AMPD3: variants seen among roughly 807,000 people sequenced by gnomAD.
AMPD3 encodes the protein AMP deaminase 3.
In AMPD3, 57 loss-of-function variants were observed where a neutral mutation model predicts 82.3. The observed-to-expected ratio is 0.69, with a 90% confidence interval of 0.56 to 0.86. The LOEUF (loss-of-function observed/expected upper bound fraction) is 0.86, where lower values mean the gene tolerates loss of function less well. Ranked by LOEUF, AMPD3 falls within the 40% of genes least tolerant of loss-of-function variation. The pLI, the probability that AMPD3 is intolerant of heterozygous loss-of-function variation, is 0.00. For synonymous variants in AMPD3, 381 were observed against 394.7 expected (o/e 0.97, Z 0.41); for missense variants, 870 against 1,003.8 (o/e 0.87, Z 1.80).
intron 10 of AMPD3, chr11:10,499,789 C>T (rs1849524010): frequency 1.0e-6 from 1 of 985,448 alleles, no homozygotes; most frequent in Non-Finnish European, 1.2e-6. Flanking sequence ...CTGCTTTGCC[C>T]TTCACCTGGC....
At position 10,456,609 on chromosome 11, in the gene AMPD3, A is replaced by G; in HGVS notation, c.-6+1161A>G. The G allele has an allele frequency of 1.0e-6, 1 of 985,456 alleles. No homozygotes were observed. The highest frequency in any genetic ancestry group is 1.2e-6 in the Non-Finnish European group (1 of 829,912). 61.0% of individuals were successfully genotyped at this position (985,456 alleles called of 1,614,324 possible). ...AGTTCATCAGAGCGTGTTGCATGTA[A>G]CAGTGAGATAAGCTGTATCATTGGC... On this transcript the variant is annotated intron_variant, in intron 1 of 14. Coordinates refer to ENST00000396553, the MANE Select transcript of AMPD3 (RefSeq NM_001025389.2). This position sits in a 1 kb window ranked among gnomAD's most constrained non-coding sequence, Gnocchi z 4.3.
chr11:10,457,775 G>C (rs1235243294), intron 1 of AMPD3, among the ~76,000 whole-genome samples: 2 of 152,178 alleles, frequency 1.3e-5, no homozygotes, highest in East Asian at 3.9e-4. Flanking sequence ...TGTGCCTGTG[G>C]TCCCAGCTAC....
intron 3 of AMPD3, chr11:10,479,785 A>C (rs1848848862): frequency 1.7e-5 from 8 of 463,036 alleles, no homozygotes; most frequent in Non-Finnish European, 2.3e-5. Flanking sequence ...ATGCCATATC[A>C]ATATATAAAG....
At chr11:10,458,892 G>A (rs189854519) in intron 1 of AMPD3, among the ~76,000 whole-genome samples, 3 of 152,278 alleles carry the variant, frequency 2.0e-5, no homozygotes, top group Admixed American at 1.3e-4. Flanking sequence ...CTTCTTCTGA[G>A]ATGCGATGTG....
intron 3 of AMPD3, chr11:10,479,806 T>C (rs1848849681): frequency 1.3e-6 from 1 of 756,344 alleles, no homozygotes; most frequent in South Asian, 6.0e-5. Flanking sequence ...AACTTCTTTG[T>C]CCTTTTAAAA....
chr11:10,484,405 G>A (rs1370043953), intron 4 of AMPD3: 1 of 985,152 alleles, frequency 1.0e-6, no homozygotes, highest in Non-Finnish European at 1.2e-6. Flanking sequence ...GGTGCAATCT[G>A]TTTTTTTCCT....
intron 9 of AMPD3, among the ~76,000 whole-genome samples, chr11:10,495,938 A>G (rs1849386356): frequency 2.3e-5 from 3 of 132,024 alleles, no homozygotes; most frequent in African/African-American, 8.8e-5. Context: ...TTTTTTTGAG[A>G]CAGAGTCTCA....
At chr11:10,495,916 CTTT>C (rs35114038) in intron 9 of AMPD3, among the ~76,000 whole-genome samples, 183 bp downstream of exon 9, 6 of 133,166 alleles carry the variant, frequency 4.5e-5, no homozygotes, top group Admixed American at 7.5e-5. Context: ...CACTAGAGCT[CTTT>C]TTTTTTTTTT....
chr11:10,471,553 A>G (rs1848590254), intron 2 of AMPD3, among the ~76,000 whole-genome samples: 1 of 152,276 alleles, frequency 6.6e-6, no homozygotes, highest in Non-Finnish European at 1.5e-5. Flanking sequence ...CAATCTATCC[A>G]TCTGACAAAG....
rs757545666 is a variant in AMPD3, at chr11:10,487,243, A to G, written c.818A>G (p.Tyr273Cys). The G allele has an allele frequency of 2.7e-5, 43 of 1,613,922 alleles. No individual in the cohort carries two copies. Among genetic ancestry groups the G allele is most frequent in the Non-Finnish European group, 3.5e-5 (41 of 1,179,982 alleles). Reference protein sequence around the residue: ...ALITDGPTKTYCHRRLNFLES... With the variant: ...ALITDGPTKTCCHRRLNFLES... Reference sequence around the variant, plus strand: ...CCATCTCCAACTTGCAGGAAAACCTATTGTCACCGGCGACTGAACTTTCTG... The same window carrying G: ...CCATCTCCAACTTGCAGGAAAACCTGTTGTCACCGGCGACTGAACTTTCTG... Residue 273 changes from tyrosine to cysteine, a missense_variant, in exon 6 of 15, where the codon TAT (tyrosine) becomes TGT (cysteine). Coordinates refer to ENST00000396553, the MANE Select transcript of AMPD3 (RefSeq NM_001025389.2).
chr11:10,481,909 G>A, intron 3 of AMPD3, 154 bp from the exon 4 acceptor site: 2 of 876,120 alleles, frequency 2.3e-6, no homozygotes. Flanking sequence ...TAGGTGCAAT[G>A]AACCACTCTT....
chr11:10,451,641 G>T (rs1264508170), upstream of AMPD3, among the ~76,000 whole-genome samples: 5 of 152,190 alleles, frequency 3.3e-5, no homozygotes, highest in Non-Finnish European at 5.9e-5. Context: ...AGTAGGAGAG[G>T]CTTGCTAACT....
chr11:10,496,544 A>G, intron 9 of AMPD3: 2 of 985,464 alleles, frequency 2.0e-6, no homozygotes, highest in African/African-American at 1.7e-5. Context: ...GTCAGCCAGA[A>G]TGCCACCATC....
In AMPD3 at chr11:10,476,471, T is replaced by TG. The variant is rs1564844888; in HGVS notation, c.222-2055_222-2054insG. On this transcript the variant is annotated intron_variant, in intron 2 of 14. Transcript: ENST00000396553. Reference sequence around the variant, plus strand: ...CCAGCATTTGGGCTGTAGTGTTTTTTTTTTTGTGTGTGTGTGTGTGGTTTT... The same window carrying TG: ...CCAGCATTTGGGCTGTAGTGTTTTTTGTTTTTGTGTGTGTGTGTGTGGTTTT... Among the ~76,000 whole-genome samples, 33 of 143,820 alleles carry TG rather than the reference T, an allele frequency of 2.3e-4. No individual in the cohort carries two copies. In the South Asian group the frequency reaches 3.0e-3, roughly 13 times the overall value. 94.4% of individuals were successfully genotyped at this position (143,820 alleles called of 152,430 possible).
chr11:10,468,724 T>C lies in AMPD3; in HGVS notation c.221+6984T>C, dbSNP rs11530493. Among the ~76,000 whole-genome samples, 2,805 of 152,302 alleles carry C rather than the reference T, an allele frequency of 0.018. 299 individuals carry two copies. The East Asian group carries it at 0.32, about 18-fold the overall frequency. On this transcript the variant is annotated intron_variant, in intron 2 of 14. Transcript: ENST00000396553. ...GCACCTCATCACACTTACTTTAAAA[T>C]TGACCACATAATTGGAAGTAAAACA...
At chr11:10,454,637 T>A (rs149344986), upstream of AMPD3, among the ~76,000 whole-genome samples, 212 of 152,322 alleles carry the variant, frequency 1.4e-3, no homozygotes, top group Admixed American at 2.4e-3. Flanking sequence ...TGAAAAATGC[T>A]TGTTTAGACT....
intron 1 of AMPD3, chr11:10,455,847 C>T (rs1848077162): frequency 5.3e-6 from 5 of 944,988 alleles, no homozygotes; most frequent in Non-Finnish European, 5.0e-6. Context: ...TGAGAAGAGG[C>T]AGGTCGGGCT....
intron 2 of AMPD3, among the ~76,000 whole-genome samples, chr11:10,468,238 T>A (rs1214040943): frequency 1.3e-5 from 2 of 150,478 alleles, no homozygotes; most frequent in Non-Finnish European, 3.0e-5. Context: ...GGATGAAGAG[T>A]CAAGACCCAA....
rs545043544 is a variant in AMPD3 at position 10,467,167 on chromosome 11, T to C, written c.221+5427T>C. 2.6e-5 allele frequency among the ~76,000 whole-genome samples: 4 copies of C among 152,246 alleles called. No homozygotes were observed. The South Asian group carries it at 8.3e-4, about 32-fold the overall frequency. On this transcript the variant is annotated intron_variant, in intron 2 of 14. Transcript: ENST00000396553. Reference sequence around the variant, plus strand: ...GAAAAAAACTGGACAGAGAATGAGTTTGACCAATTGACAGAAGTAGGCTTC... The same window carrying C: ...GAAAAAAACTGGACAGAGAATGAGTCTGACCAATTGACAGAAGTAGGCTTC...
Sources: gnomAD v4.1 joint callset for allele counts (sites outside exome capture counted in the v4.1 genomes callset) on GRCh38, gnomAD v4.1.1 for gene constraint, Gnocchi (gnomAD v3.1) non-coding constraint, MANE v1.5 for transcripts, NCBI Gene and HGNC (gene_info 2026-07-23, HGNC 2026-07-21) for gene names.